Variants in NRG1 observed in about 807,000 individuals in gnomAD.
NRG1 encodes pro-neuregulin-1, membrane-bound isoform.
Under a neutral mutation model 63.8 loss-of-function variants are expected in NRG1, and 18 were observed. The ratio of observed to expected loss-of-function variants is 0.28; its 90% CI spans 0.19 to 0.42. NRG1 has a LOEUF of 0.42. Among genes scored for constraint, NRG1 ranks in the 10% least tolerant of loss-of-function variants. NRG1 has a pLI of 1.00. For missense variants in NRG1, 762 were observed against 814.7 expected, an observed-to-expected ratio of 0.94 and a Z score of 0.79; for synonymous variants, 302 against 301.3, an observed-to-expected ratio of 1.00 and a Z score of -0.02.
intron 1 of NRG1, among the ~76,000 whole-genome samples, chr8:31,754,185 A>G (rs1333320875): frequency 1.3e-5 from 2 of 152,096 alleles, no homozygotes; most frequent in Non-Finnish European, 2.9e-5. Flanking sequence ...TGGGATTCCC[A>G]TGTAATATAG....
intron 1 of NRG1, among the ~76,000 whole-genome samples, chr8:32,561,893 A>T (rs1378621417): frequency 6.6e-6 from 1 of 152,084 alleles, no homozygotes; most frequent in Non-Finnish European, 1.5e-5. Context: ...TGAGACCTGC[A>T]GTTATTTTCC....
intron 6 of NRG1, chr8:32,728,427 A>G: frequency 1.0e-6 from 1 of 985,356 alleles, no homozygotes. Context: ...CTACTTCTAC[A>G]TCCAATGTAT....
chr8:32,393,971 A>T (rs1024680995), intron 1 of NRG1, among the ~76,000 whole-genome samples: 10 of 152,154 alleles, frequency 6.6e-5, no homozygotes, highest in Non-Finnish European at 1.3e-4. Context: ...GCTATTTTAT[A>T]TTCCTCCCAT....
chr8:32,610,471 G>T (rs563574647), intron 3 of NRG1, among the ~76,000 whole-genome samples: 4 of 152,112 alleles, frequency 2.6e-5, no homozygotes, highest in Non-Finnish European at 5.9e-5. Context: ...GATCATAAAA[G>T]TCTTCTGCAA....
chr8:32,268,876 C>T (rs148314907), intron 1 of NRG1, among the ~76,000 whole-genome samples: 40 of 152,230 alleles, frequency 2.6e-4, no homozygotes, highest in African/African-American at 9.1e-4. Flanking sequence ...AAATCAGAGT[C>T]CCATCCCTTG....
chr8:32,305,469 A>G (rs1344633002), intron 1 of NRG1, among the ~76,000 whole-genome samples: 3 of 152,222 alleles, frequency 2.0e-5, no homozygotes, highest in African/African-American at 4.8e-5. Context: ...CTTACTCTCA[A>G]AAGTATCCTA....
chr8:31,757,950 C>T (rs765107462), intron 1 of NRG1, among the ~76,000 whole-genome samples: 17 of 152,068 alleles, frequency 1.1e-4, no homozygotes, highest in Non-Finnish European at 1.9e-4. Flanking sequence ...TCCTCTATCA[C>T]TCATAGAGGC....
At chr8:31,957,172 G>A (rs1371210298) in intron 1 of NRG1, among the ~76,000 whole-genome samples, 1 of 146,394 alleles carries the variant, frequency 6.8e-6, no homozygotes, top group Non-Finnish European at 1.5e-5. Flanking sequence ...TTTTGCACTG[G>A]CCAATTCAAA....
intron 1 of NRG1, among the ~76,000 whole-genome samples, chr8:31,702,066 C>T (rs1007575986): frequency 6.6e-5 from 10 of 152,184 alleles, no homozygotes; most frequent in African/African-American, 2.4e-4. Context: ...GTTTGAGAAT[C>T]ACTGACATAG....
chr8:32,532,924 A>C (rs892853797), intron 1 of NRG1, among the ~76,000 whole-genome samples: 1 of 151,914 alleles, frequency 6.6e-6, no homozygotes, highest in East Asian at 1.9e-4. Flanking sequence ...TGTAGAAAAA[A>C]CATTTACTTA....
chr8:32,638,929 A>G (rs751867390), intron 5 of NRG1, among the ~76,000 whole-genome samples: 1 of 152,126 alleles, frequency 6.6e-6, no homozygotes, highest in Admixed American at 6.5e-5. Flanking sequence ...CAGGTGGCTC[A>G]CTAAGAATGC....
At position 32,299,025 on chromosome 8, in the gene NRG1, C is replaced by CAAA. The variant is rs34799826; in HGVS notation, c.38-296782_38-296780dup. ...CTGGGGACAAAGTTAGACTCTATCT[C>CAAA]AAAAAAAAAAAAAAAAAAAAAAAGA... On this transcript the variant is annotated intron_variant, in intron 1 of 10. Transcript: ENST00000519301. Among the ~76,000 whole-genome samples, 297 of 59,398 alleles carry CAAA rather than the reference C, an allele frequency of 5.0e-3. 3 individuals are homozygous for CAAA. Among genetic ancestry groups the CAAA allele is most frequent in the East Asian group, 0.011 (17 of 1,502 alleles). The allele number at this position is 59,398 out of a possible 152,430, so 39.0% of individuals were successfully genotyped here. A position where few individuals can be genotyped will look rare whatever the true frequency, so the allele number is the denominator to read the frequency against.
intron 1 of NRG1, among the ~76,000 whole-genome samples, chr8:32,161,445 T>TA (rs1236364221): frequency 6.6e-6 from 1 of 152,128 alleles, no homozygotes; most frequent in African/African-American, 2.4e-5. Flanking sequence ...TACAATTAAT[T>TA]ACGGAAGTTA....
chr8:32,104,445 T>C (rs1034750419), intron 1 of NRG1, among the ~76,000 whole-genome samples: 4 of 152,294 alleles, frequency 2.6e-5, no homozygotes, highest in African/African-American at 9.6e-5. Flanking sequence ...TGTACACTAC[T>C]GTAGACTTTA....
intron 1 of NRG1, among the ~76,000 whole-genome samples, chr8:32,536,196 C>T (rs568260871): frequency 6.6e-6 from 1 of 152,208 alleles, no homozygotes; most frequent in Non-Finnish European, 1.5e-5. Flanking sequence ...AGGTGTTGAC[C>T]GGGCCGTCTC....
At chr8:32,711,763 T>A (rs193072554) in intron 5 of NRG1, among the ~76,000 whole-genome samples, 1 of 152,142 alleles carries the variant, frequency 6.6e-6, no homozygotes, top group African/African-American at 2.4e-5. Flanking sequence ...CAGAACATGA[T>A]AAATAGCATG....
At chr8:32,514,228 C>T (rs911623818) in intron 1 of NRG1, among the ~76,000 whole-genome samples, 2 of 152,144 alleles carry the variant, frequency 1.3e-5, no homozygotes, top group East Asian at 1.9e-4. Flanking sequence ...ATTAGACAAA[C>T]AAGAATCATT....
intron 1 of NRG1, among the ~76,000 whole-genome samples, chr8:32,101,958 T>C (rs947625990): frequency 2.6e-5 from 4 of 152,198 alleles, no homozygotes; most frequent in African/African-American, 9.6e-5. Context: ...GTTCACTATA[T>C]GATGTTTGTA....
intron 1 of NRG1, among the ~76,000 whole-genome samples, chr8:32,590,495 A>G (rs914260904): frequency 6.6e-6 from 1 of 152,240 alleles, no homozygotes; most frequent in Non-Finnish European, 1.5e-5. Flanking sequence ...TTTAATTAAC[A>G]GACCTTTTAT....
Sources: gnomAD v4.1 joint callset for allele counts (sites outside exome capture counted in the v4.1 genomes callset) on GRCh38, gnomAD v4.1.1 for gene constraint, MANE v1.5 for transcripts, NCBI Gene and HGNC (gene_info 2026-07-23, HGNC 2026-07-21) for gene names.